THRB: variants seen among roughly 807,000 people sequenced by gnomAD.
THRB encodes thyroid hormone receptor beta, also known as nuclear receptor subfamily 1 group A member 2.
A neutral mutation model predicts 47.8 loss-of-function variants in THRB; 12 were observed. The observed-to-expected ratio is 0.25, with a 90% confidence interval of 0.16 to 0.41. The LOEUF is 0.41. THRB is among the 10% of genes least tolerant of loss of function. The probability of loss-of-function intolerance (pLI) is 1.00; values close to 1 mark genes in which losing one functional copy is unlikely to be tolerated. For missense variants in THRB, 348 were observed against 589.2 expected, an observed-to-expected ratio of 0.59 and a Z score of 4.24; for synonymous variants, 218 against 212.2, an observed-to-expected ratio of 1.03 and a Z score of -0.24.
chr3:24,318,744 A>G (rs2058288390), intron 2 of THRB, among the ~76,000 whole-genome samples: 1 of 152,212 alleles, frequency 6.6e-6, no homozygotes, highest in Admixed American at 6.5e-5. Context: ...CCAAATGCCT[A>G]TGGTAGCAAT....
At position 24,118,972 on chromosome 3, in the gene THRB, G is replaced by GTT. The variant is rs1180898231; in HGVS notation, c.*3911_*3912insAA. The GTT allele has an allele frequency of 1.5e-5, 1 of 66,452 alleles. No individual in the cohort carries two copies. The highest frequency in any genetic ancestry group is 2.8e-5 in the Non-Finnish European group (1 of 35,852). 4.1% of individuals were successfully genotyped at this position (66,452 alleles called of 1,614,324 possible). ...GGCCAAACCTTTTTTCCCCCAGTCT[G>GTT]GTTTTTTTTTTTTTTTTTTTTTTTT... On this transcript the variant is annotated 3_prime_UTR_variant, in exon 11 of 11. Coordinates refer to ENST00000646209, the MANE Select transcript of THRB (RefSeq NM_001354712.2).
intron 1 of THRB, among the ~76,000 whole-genome samples, chr3:24,437,653 TATA>T (rs2071101119): frequency 6.6e-6 from 1 of 152,068 alleles, no homozygotes; most frequent in African/African-American, 2.4e-5. Context: ...ACAACTATTA[TATA>T]TTAACAAAAA....
At chr3:24,141,184 G>T (rs2035395750) in intron 8 of THRB, among the ~76,000 whole-genome samples, 1 of 152,230 alleles carries the variant, frequency 6.6e-6, no homozygotes, top group South Asian at 2.1e-4. Context: ...GGTTCTGACA[G>T]AAGCCTAATG....
At chr3:24,405,358 G>A (rs1193268750) in intron 1 of THRB, among the ~76,000 whole-genome samples, 1 of 151,850 alleles carries the variant, frequency 6.6e-6, no homozygotes, top group African/African-American at 2.4e-5. Context: ...GACTGTCTAT[G>A]GCCGCTTTTG....
In THRB at chr3:24,190,279, G is replaced by A. The variant is rs1238668034; in HGVS notation, c.78C>T (p.Asp26=). The change falls in exon 5 of 11, where the codon GAC becomes GAT. Residue 26 remains aspartate, a synonymous_variant. Coordinates refer to ENST00000646209, the MANE Select transcript of THRB (RefSeq NM_001354712.2). ...CTTCAGACATTCCTACTAGCTTCCA[G>A]TCGTGTTCTCGGTCTGGACAGTGCT... ...KPKHCPDREH[D]WKLVGMSEAC... 6.2e-7 allele frequency: 1 copy of A among 1,614,090 alleles called. No individual in the cohort carries two copies. Among genetic ancestry groups the A allele is most frequent in the South Asian group, 1.1e-5 (1 of 91,076 alleles).
chr3:24,134,715 C>G (rs2034388009), intron 8 of THRB, among the ~76,000 whole-genome samples: 1 of 152,126 alleles, frequency 6.6e-6, no homozygotes, highest in Non-Finnish European at 1.5e-5. Flanking sequence ...CAGCTGTCTC[C>G]CAGAAAGATG....
At chr3:24,210,927 G>A (rs1273093527) in intron 4 of THRB, among the ~76,000 whole-genome samples, 1 of 152,148 alleles carries the variant, frequency 6.6e-6, no homozygotes, top group Non-Finnish European at 1.5e-5. Flanking sequence ...GGCCAAGTGC[G>A]GTGGCTCATG....
chr3:24,485,509 C>T (rs996960130), intron 1 of THRB, among the ~76,000 whole-genome samples: 1 of 152,182 alleles, frequency 6.6e-6, no homozygotes, highest in Non-Finnish European at 1.5e-5. Context: ...CAGTCTCTCA[C>T]TCAAGACCTA....
chr3:24,372,621 A>G (rs2065001269), intron 1 of THRB, among the ~76,000 whole-genome samples: 1 of 152,086 alleles, frequency 6.6e-6, no homozygotes, highest in South Asian at 2.1e-4. Flanking sequence ...TGAGTCGGAG[A>G]TCAACAGCTC....
intron 5 of THRB, among the ~76,000 whole-genome samples, chr3:24,173,469 C>T (rs539356849): frequency 3.8e-4 from 58 of 152,312 alleles, no homozygotes; most frequent in African/African-American, 1.3e-3. Flanking sequence ...CTACCAGTAC[C>T]ATAATACACA....
rs2031195636 is a variant in THRB, at chr3:24,119,159, A to G, written c.*3725T>C. ...AAAATTTAAATATGGATTATAGTCTATCACTATCAAAAGAAACACTATGCT... is the reference window on the plus strand; with the variant it reads ...AAAATTTAAATATGGATTATAGTCTGTCACTATCAAAAGAAACACTATGCT... On this transcript the variant is annotated 3_prime_UTR_variant, in exon 11 of 11. Transcript: ENST00000646209. 6.6e-6 allele frequency: 1 copy of G among 152,522 alleles called. No individual in the cohort carries two copies. The allele number at this position is 152,522 out of a possible 1,614,324, so 9.4% of individuals were successfully genotyped here.
chr3:24,396,450 G>C (rs2066970079), intron 1 of THRB, among the ~76,000 whole-genome samples: 1 of 152,130 alleles, frequency 6.6e-6, no homozygotes, highest in South Asian at 2.1e-4. Context: ...TTTCTGCCTA[G>C]TGTTTCAATA....
intron 1 of THRB, among the ~76,000 whole-genome samples, chr3:24,388,044 C>A (rs981016188): frequency 6.6e-6 from 1 of 152,050 alleles, no homozygotes; most frequent in African/African-American, 2.4e-5. Context: ...CACGCACCAC[C>A]CAGATCTCCT....
intron 3 of THRB, among the ~76,000 whole-genome samples, chr3:24,259,998 T>G (rs2051783084): frequency 6.6e-6 from 1 of 152,174 alleles, no homozygotes; most frequent in Non-Finnish European, 1.5e-5. Context: ...ATGGTCAATT[T>G]TAGAACAGTC....
chr3:24,486,353 TACG>T (rs1697294362), intron 1 of THRB: 1 of 152,190 alleles, frequency 6.6e-6, no homozygotes, highest in South Asian at 2.1e-4. Flanking sequence ...ATCTCATCCA[TACG>T]ACAAGAATTT....
intron 7 of THRB, among the ~76,000 whole-genome samples, chr3:24,145,893 G>T (rs916480506): frequency 1.3e-5 from 2 of 152,008 alleles, no homozygotes; most frequent in Non-Finnish European, 2.9e-5. Context: ...ATTTATGCCA[G>T]TAGAATCATT....
chr3:24,440,696 G>C (rs1433021231), intron 1 of THRB, among the ~76,000 whole-genome samples: 4 of 152,112 alleles, frequency 2.6e-5, no homozygotes, highest in Admixed American at 2.6e-4. Context: ...AGAATAAAAA[G>C]ATGATTTTTT....
At chr3:24,380,422 G>C (rs147918805) in intron 1 of THRB, among the ~76,000 whole-genome samples, 76 of 151,856 alleles carry the variant, frequency 5.0e-4, no homozygotes, top group Middle Eastern at 6.8e-3. Context: ...GTGATACTCA[G>C]CGTTCCTTAA....
chr3:24,148,859 A>G (rs2149060005), intron 6 of THRB, among the ~76,000 whole-genome samples: 1 of 152,352 alleles, frequency 6.6e-6, no homozygotes, highest in East Asian at 1.9e-4. Context: ...TGGGGCGTAT[A>G]TGCAAATCCC....
Sources: gnomAD v4.1 joint callset for allele counts (sites outside exome capture counted in the v4.1 genomes callset) on GRCh38, gnomAD v4.1.1 for gene constraint, MANE v1.5 for transcripts, NCBI Gene and HGNC (gene_info 2026-07-23, HGNC 2026-07-21) for gene names.